The following ASAP3 variants were observed in gnomAD, a reference collection of about 807,000 sequenced individuals.
ASAP3 encodes the protein arf-GAP with SH3 domain, ANK repeat and PH domain-containing protein 3.
ASAP3 carries 85 observed loss-of-function variants against 118.2 expected under a neutral mutation model. The observed-to-expected ratio is 0.72, with a 90% CI of 0.60 to 0.86. The LOEUF is 0.86. ASAP3 is among the 40% of genes least tolerant of loss of function. ASAP3 has a pLI of 0.00. For missense variants in ASAP3, 1,026 were observed against 1,175.0 expected, an observed-to-expected ratio of 0.87 and a Z score of 1.85; for synonymous variants, 432 against 477.4, an observed-to-expected ratio of 0.90 and a Z score of 1.24.
At position 23,451,521 on chromosome 1, in the gene ASAP3, T is replaced by C. The variant is rs745461334; in HGVS notation, c.431A>G (p.Lys144Arg). Residue 144 changes from lysine (K) to arginine (R), a missense_variant, in exon 5 of 25, where the codon AAA (lysine) becomes AGA (arginine). Coordinates refer to ENST00000336689, the MANE Select transcript of ASAP3 (RefSeq NM_017707.4). ...CTTCCATGCCTTCTCCAGCTGTTTT[T>C]TGGAATCCTGTGGGTTAAAAAAGGA... ...GQLRDGRQDS[K>R]KQLEKAWKDY... 10 of 1,614,208 alleles carry C rather than the reference T, an allele frequency of 6.2e-6. No individual in the cohort carries two copies. The South Asian group carries it at 8.8e-5, about 14-fold the overall frequency.
intron 24 of ASAP3, 26 bp from the exon 25 acceptor site, chr1:23,429,956 A>G (rs2148596351): frequency 6.2e-7 from 1 of 1,602,936 alleles, no homozygotes; most frequent in East Asian, 2.2e-5. Context: ...TGAAACTGAC[A>G]TTTTCAAAGC....
At chr1:23,464,782 C>G (rs72661482) in intron 1 of ASAP3, among the ~76,000 whole-genome samples, 3,318 of 151,282 alleles carry the variant, frequency 0.022, 66 homozygotes, top group Non-Finnish European at 0.033. Context: ...CAGGCATCAT[C>G]CAGGAACTTG....
chr1:23,448,008 C>T (rs1641100801), intron 5 of ASAP3, among the ~76,000 whole-genome samples: 1 of 152,146 alleles, frequency 6.6e-6, no homozygotes, highest in Non-Finnish European at 1.5e-5. Context: ...ATAACAAGTC[C>T]CATTCCTTCC....
intron 1 of ASAP3, among the ~76,000 whole-genome samples, 175 bp downstream of exon 1, chr1:23,483,830 C>T (rs1049126380): frequency 1.3e-5 from 2 of 152,228 alleles, no homozygotes; most frequent in Non-Finnish European, 2.9e-5. Context: ...GGCCTTCCCC[C>T]GCCTCGACGG....
chr1:23,446,678 T>A (rs1262923100), intron 5 of ASAP3, among the ~76,000 whole-genome samples: 2 of 152,176 alleles, frequency 1.3e-5, no homozygotes, highest in Non-Finnish European at 2.9e-5. Context: ...CCTCAGGTGA[T>A]CTGCCTGCCT....
At chr1:23,461,164 G>A (rs1048374289) in intron 1 of ASAP3, among the ~76,000 whole-genome samples, 4 of 152,154 alleles carry the variant, frequency 2.6e-5, no homozygotes, top group African/African-American at 9.7e-5. Context: ...CAATCCCACA[G>A]AATGTACAAC....
At position 23,467,901 on chromosome 1, in the gene ASAP3, G is replaced by A. The variant is rs560280413; in HGVS notation, c.130-11707C>T. On this transcript the variant is annotated intron_variant, in intron 1 of 24. Transcript: ENST00000336689. ...CGGGAGGCAGAGGTTGCAGTGAGCCGAGATCACGCCACTGCACTCTAGCCT... is the reference window on the plus strand; with the variant it reads ...CGGGAGGCAGAGGTTGCAGTGAGCCAAGATCACGCCACTGCACTCTAGCCT... Among the ~76,000 whole-genome samples the A allele has an allele frequency of 8.9e-5, 13 of 145,356 alleles. No individual in the cohort carries two copies. The South Asian group carries it at 1.7e-3, about 19-fold the overall frequency.
chr1:23,438,838 T>A lies in ASAP3; in HGVS notation c.1015-4A>T, dbSNP rs770907348. The A allele has an allele frequency of 1.2e-6, 2 of 1,614,186 alleles. No individual in the cohort carries two copies. Among genetic ancestry groups the A allele is most frequent in the Non-Finnish European group, 1.7e-6 (2 of 1,180,024 alleles). The stretch of plus-strand genomic sequence containing the variant: ...GCTTCACCGGGGGCCGGTTTATCTG[T>A]GGGAATTTAGGGGCGGAGGATGTAT... On this transcript the variant is annotated splice_polypyrimidine_tract_variant and splice_region_variant and intron_variant, in intron 11 of 24. Transcript: ENST00000336689. This position sits in a 1 kb window ranked among gnomAD's most constrained non-coding sequence, Gnocchi z 4.9.
rs1485824790 is a variant in ASAP3 at position 23,436,255 on chromosome 1, A to C, written c.1572-227T>G. 1.3e-5 allele frequency among the ~76,000 whole-genome samples: 2 copies of C among 152,140 alleles called. No individual in the cohort carries two copies. The highest frequency in any genetic ancestry group is 4.8e-5 in the African/African-American group (2 of 41,416). Reference sequence around the variant, plus strand: ...TCGTTTCACTACAACCTCTGCTTCCAGGGTTCAAGCAATTCTAGTGCCTCA... The same window carrying C: ...TCGTTTCACTACAACCTCTGCTTCCCGGGTTCAAGCAATTCTAGTGCCTCA... On this transcript the variant is annotated intron_variant, in intron 16 of 24. Transcript: ENST00000336689. The surrounding 1 kb of genome is among the most constrained non-coding windows in gnomAD (Gnocchi z 4.2).
At chr1:23,479,282 AGAG>A (rs61644781) in intron 1 of ASAP3, among the ~76,000 whole-genome samples, 81,927 of 151,794 alleles carry the variant, frequency 0.54, 25,952 homozygotes, top group Non-Finnish European at 0.69. Flanking sequence ...AGAGGGAAGC[AGAG>A]GCAGGAGAGA....
intron 1 of ASAP3, among the ~76,000 whole-genome samples, chr1:23,474,699 T>C (rs533778987): frequency 1.8e-3 from 272 of 152,286 alleles, no homozygotes; most frequent in African/African-American, 6.4e-3. Context: ...TTCTCCTGCC[T>C]CAGCCTCCGA....
intron 5 of ASAP3, among the ~76,000 whole-genome samples, chr1:23,450,001 G>A (rs1027515043): frequency 6.6e-6 from 1 of 152,176 alleles, no homozygotes; most frequent in Non-Finnish European, 1.5e-5. Context: ...CTCACTACCC[G>A]TCCCTGGGCC....
Position 23,483,985 on chromosome 1 carries a change from T to C in ASAP3, c.129+20A>G, listed in dbSNP as rs2148671305. 1 of 1,270,822 alleles carries C rather than the reference T, an allele frequency of 7.9e-7. No individual in the cohort carries two copies. The highest frequency in any genetic ancestry group is 9.9e-7 in the Non-Finnish European group (1 of 1,009,106). 78.7% of individuals were successfully genotyped at this position (1,270,822 alleles called of 1,614,324 possible). On this transcript the variant is annotated intron_variant, in intron 1 of 24. Transcript: ENST00000336689. ...AGGCCCGGCGCCGACCCCCGACCCC[T>C]CCCGCCTCGGCCCCCTCACCTCCTC...
At chr1:23,460,119 A>G (rs1641522511) in intron 1 of ASAP3, among the ~76,000 whole-genome samples, 1 of 152,216 alleles carries the variant, frequency 6.6e-6, no homozygotes, top group African/African-American at 2.4e-5. Flanking sequence ...CTACCTCAAT[A>G]AAGTGGCTTT....
intron 3 of ASAP3, among the ~76,000 whole-genome samples, chr1:23,454,870 C>G (rs936222210): frequency 1.3e-5 from 2 of 152,184 alleles, no homozygotes; most frequent in Non-Finnish European, 2.9e-5. Flanking sequence ...GGGGCTTGGG[C>G]AGACTGAGTG....
intron 1 of ASAP3, among the ~76,000 whole-genome samples, chr1:23,471,578 G>T (rs1448705099): frequency 1.3e-5 from 2 of 152,120 alleles, no homozygotes; most frequent in African/African-American, 4.8e-5. Context: ...AGACAGCAAG[G>T]GTTAAGGACT....
intron 22 of ASAP3, 60 bp downstream of exon 22, chr1:23,433,017 A>T: frequency 6.3e-7 from 1 of 1,594,688 alleles, no homozygotes; most frequent in South Asian, 1.1e-5. Flanking sequence ...TCAGTGCCCC[A>T]GCATATACAG....
At chr1:23,467,894 G>A (rs1015298061) in intron 1 of ASAP3, among the ~76,000 whole-genome samples, 2 of 149,870 alleles carry the variant, frequency 1.3e-5, no homozygotes, top group African/African-American at 4.9e-5. Context: ...AGAGGTTGCA[G>A]TGAGCCGAGA....
chr1:23,484,039 G>A lies in ASAP3; in HGVS notation c.95C>T (p.Pro32Leu), dbSNP rs980433406. ...AGAAAFAAKM[P>L]RYRGAALARE... ...CGCCAGCGCCGCCCCTCGGTACCGG[G>A]GCATCTTGGCGGCGAAGGCGGCGGC... Residue 32 changes from proline to leucine, a missense_variant, in exon 1 of 25, where the codon CCC becomes CTC. Transcript: ENST00000336689. 1 of 1,337,514 alleles carries A rather than the reference G, an allele frequency of 7.5e-7. No individual in the cohort carries two copies. The highest frequency in any genetic ancestry group is 9.6e-7 in the Non-Finnish European group (1 of 1,046,254). The allele number at this position is 1,337,514 out of a possible 1,614,324, so 82.9% of individuals were successfully genotyped here. A position where few individuals can be genotyped will look rare whatever the true frequency, so the allele number is the denominator to read the frequency against.
Sources: allele counts gnomAD v4.1 joint callset (sites outside exome capture counted in the v4.1 genomes callset), GRCh38; gene constraint gnomAD v4.1.1; non-coding constraint Gnocchi (gnomAD v3.1); transcripts MANE v1.5; gene names NCBI Gene and HGNC (gene_info 2026-07-23, HGNC 2026-07-21).